PRIM2: variants seen among roughly 807,000 people sequenced by gnomAD.
PRIM2 encodes DNA primase subunit 2.
PRIM2 carries 39 observed loss-of-function variants against 67.3 expected under a neutral mutation model. The observed-to-expected ratio is 0.58, with a 90% confidence interval of 0.45 to 0.76. The LOEUF (loss-of-function observed/expected upper bound fraction) is 0.76, where lower values mean the gene tolerates loss of function less well. Ranked by LOEUF, PRIM2 falls within the 30% of genes least tolerant of loss-of-function variation. The pLI, the probability that PRIM2 is intolerant of heterozygous loss-of-function variation, is 0.00. For synonymous variants in PRIM2, 143 were observed against 198.7 expected, an observed-to-expected ratio of 0.72 and a Z score of 2.36; for missense variants, 398 against 598.7, an observed-to-expected ratio of 0.66 and a Z score of 3.50.
chr6:57,284,318 A>T, the PRIM2 span, among the ~76,000 whole-genome samples: 2 of 152,218 alleles, frequency 1.3e-5, no homozygotes, highest in Non-Finnish European at 2.9e-5. Flanking sequence ...CTTTGCATTT[A>T]ACTTTTGGCA....
chr6:57,612,464 A>G (rs1776684324), intron 12 of PRIM2, among the ~76,000 whole-genome samples: 1 of 152,238 alleles, frequency 6.6e-6, no homozygotes, highest in African/African-American at 2.4e-5. Flanking sequence ...CAAATACATT[A>G]TACCAAGTGA....
chr6:57,255,999 A>G, the PRIM2 span, among the ~76,000 whole-genome samples: 3 of 149,482 alleles, frequency 2.0e-5, no homozygotes, highest in African/African-American at 5.1e-5. Context: ...TTTAAAAGCA[A>G]TTTAGACACG....
rs1357081275 is a variant in PRIM2 at position 57,606,647 on chromosome 6, C to T, written c.1230+190C>T. Reference sequence around the variant, plus strand: ...AGACTCTTGGGAAATTCTAGTTCTTCTGTCTGCTAAGCTGCATTTTTATTT... The same window carrying T: ...AGACTCTTGGGAAATTCTAGTTCTTTTGTCTGCTAAGCTGCATTTTTATTT... On this transcript the variant is annotated intron_variant, in intron 12 of 13. Transcript: ENST00000615550. Among the ~76,000 whole-genome samples the T allele has an allele frequency of 3.9e-3, 597 of 152,298 alleles. 3 individuals are homozygous for T. The highest frequency in any genetic ancestry group is 0.013 in the African/African-American group (561 of 41,558).
At chr6:57,356,182 A>G (rs1473805174) in intron 5 of PRIM2, among the ~76,000 whole-genome samples, 4 of 152,132 alleles carry the variant, frequency 2.6e-5, no homozygotes, top group African/African-American at 4.8e-5. Flanking sequence ...GTGCTGTAAC[A>G]CCTGTAGTTG....
At chr6:57,497,014 A>G (rs1241523109) in intron 7 of PRIM2, among the ~76,000 whole-genome samples, 1 of 152,170 alleles carries the variant, frequency 6.6e-6, no homozygotes, top group Non-Finnish European at 1.5e-5. Context: ...AAAATGGCCA[A>G]ATGTATGGGG....
chr6:57,314,835 A>G (rs1410659589), upstream of PRIM2: 1 of 152,224 alleles, frequency 6.6e-6, no homozygotes, highest in East Asian at 1.9e-4. Flanking sequence ...TGAAATGTAT[A>G]ACATTATTGT....
At chr6:57,274,943 A>ATTTTTTTTTTTT in the PRIM2 span, among the ~76,000 whole-genome samples, 2 of 137,386 alleles carry the variant, frequency 1.5e-5, no homozygotes, top group African/African-American at 5.6e-5. Context: ...CACCTGGCTA[A>ATTTTTTTTTTTT]TTTTTTTTTT....
the PRIM2 span, among the ~76,000 whole-genome samples, chr6:57,305,548 G>T: frequency 6.6e-6 from 1 of 152,202 alleles, no homozygotes; most frequent in Non-Finnish European, 1.5e-5. Context: ...GATCGAGATG[G>T]ATTCATGTGA....
chr6:57,501,519 C>A (rs1320346164), intron 7 of PRIM2, among the ~76,000 whole-genome samples: 1 of 152,112 alleles, frequency 6.6e-6, no homozygotes, highest in Non-Finnish European at 1.5e-5. Flanking sequence ...AGGCTGGTTT[C>A]AAACTCCTGA....
At chr6:57,262,636 A>AGTCTG in the PRIM2 span, among the ~76,000 whole-genome samples, 1 of 152,118 alleles carries the variant, frequency 6.6e-6, no homozygotes, top group Non-Finnish European at 1.5e-5. Flanking sequence ...GTTCCCAAAG[A>AGTCTG]GTCTGGTCCT....
the PRIM2 span, among the ~76,000 whole-genome samples, chr6:57,301,736 C>G: frequency 3.3e-5 from 5 of 152,124 alleles, no homozygotes; most frequent in African/African-American, 4.8e-5. Context: ...GCGTGAGAAT[C>G]ACTTGAAGCT....
At chr6:57,231,017 G>C in the PRIM2 span, among the ~76,000 whole-genome samples, 2 of 152,158 alleles carry the variant, frequency 1.3e-5, no homozygotes, top group Admixed American at 6.5e-5. Flanking sequence ...CAATCCTAAG[G>C]ATCCACCTCT....
intron 10 of PRIM2, among the ~76,000 whole-genome samples, chr6:57,546,949 G>T (rs1349938501): frequency 1.3e-5 from 2 of 152,106 alleles, no homozygotes; most frequent in Non-Finnish European, 2.9e-5. Flanking sequence ...TTGAGTTAAC[G>T]CTTGTCAGTG....
chr6:57,636,770 T>C (rs1403241640), intron 13 of PRIM2, among the ~76,000 whole-genome samples: 3 of 152,202 alleles, frequency 2.0e-5, no homozygotes, highest in South Asian at 4.2e-4. Flanking sequence ...CAGGGGCTTA[T>C]AGATAAAATC....
intron 13 of PRIM2, among the ~76,000 whole-genome samples, chr6:57,642,756 C>G (rs1777269128): frequency 6.6e-6 from 1 of 152,168 alleles, no homozygotes; most frequent in Non-Finnish European, 1.5e-5. Flanking sequence ...AATATTATAT[C>G]TTAAAGTTAA....
intron 5 of PRIM2, among the ~76,000 whole-genome samples, chr6:57,327,393 A>G (rs961031170): frequency 6.6e-6 from 1 of 152,246 alleles, no homozygotes; most frequent in African/African-American, 2.4e-5. Context: ...GTCCTGTCTG[A>G]CAAGTAGAAG....
intron 10 of PRIM2, among the ~76,000 whole-genome samples, chr6:57,582,830 A>G (rs1776120774): frequency 6.6e-6 from 1 of 151,056 alleles, no homozygotes; most frequent in Non-Finnish European, 1.5e-5. Flanking sequence ...GTACATGTGC[A>G]CAATGTGCAG....
At chr6:57,367,875 C>T (rs1769415369) in intron 5 of PRIM2, among the ~76,000 whole-genome samples, 3 of 152,198 alleles carry the variant, frequency 2.0e-5, no homozygotes. Flanking sequence ...ATCACTCGTT[C>T]CTGTCAAAGT....
the PRIM2 span, among the ~76,000 whole-genome samples, chr6:57,290,444 A>AATG: frequency 6.6e-6 from 1 of 152,194 alleles, no homozygotes; most frequent in East Asian, 1.9e-4. Flanking sequence ...TAGACAGATC[A>AATG]ATGAGACAGA....
Sources: allele counts gnomAD v4.1 joint callset (sites outside exome capture counted in the v4.1 genomes callset), GRCh38; gene constraint gnomAD v4.1.1; transcripts MANE v1.5; gene names NCBI Gene and HGNC (gene_info 2026-07-23, HGNC 2026-07-21).